COL25A1: variants seen among roughly 807,000 people sequenced by gnomAD.
COL25A1 encodes collagen type XXV alpha 1 chain, also known as collagen alpha-1(XXV) chain.
Under a neutral mutation model 128.4 loss-of-function variants are expected in COL25A1, and 103 were observed. That is an observed-to-expected ratio of 0.80 (90% CI 0.68 to 0.94). COL25A1 has a LOEUF of 0.94. COL25A1 is among the 40% of genes least tolerant of loss of function. The probability of loss-of-function intolerance (pLI) is 0.00; values close to 1 mark genes in which losing one functional copy is unlikely to be tolerated. For synonymous variants in COL25A1, 279 were observed against 277.2 expected, an observed-to-expected ratio of 1.01 and a Z score of -0.06; for missense variants, 745 against 840.0, an observed-to-expected ratio of 0.89 and a Z score of 1.40.
intron 8 of COL25A1, among the ~76,000 whole-genome samples, chr4:108,955,103 A>T (rs6825171): frequency 0.044 from 6,622 of 152,152 alleles, 368 homozygotes; most frequent in African/African-American, 0.13. Context: ...AAAAAATTAC[A>T]AGGTGTATGT....
chr4:109,067,303 A>C (rs1190784060), intron 3 of COL25A1, among the ~76,000 whole-genome samples: 2 of 152,204 alleles, frequency 1.3e-5, no homozygotes, highest in African/African-American at 4.8e-5. Context: ...AATAATCTCA[A>C]TAACTTATAT....
intron 3 of COL25A1, among the ~76,000 whole-genome samples, chr4:109,112,011 C>T (rs1468866410): frequency 6.6e-6 from 1 of 152,032 alleles, no homozygotes; most frequent in East Asian, 1.9e-4. Flanking sequence ...CTAGCTACTC[C>T]TTCTAGTTTC....
At chr4:109,175,315 T>C (rs777912874) in intron 3 of COL25A1, among the ~76,000 whole-genome samples, 98 of 152,238 alleles carry the variant, frequency 6.4e-4, no homozygotes, top group Non-Finnish European at 1.1e-3. Flanking sequence ...ATGCAGTTAA[T>C]ATATTTTGAT....
intron 3 of COL25A1, among the ~76,000 whole-genome samples, chr4:109,203,480 G>A (rs1349502437): frequency 6.6e-6 from 1 of 152,026 alleles, no homozygotes; most frequent in East Asian, 1.9e-4. Context: ...ACCCAGGAAG[G>A]AGGAAGGAGA....
intron 23 of COL25A1, among the ~76,000 whole-genome samples, chr4:108,860,573 CT>C (rs200500844): frequency 2.7e-4 from 41 of 151,092 alleles, no homozygotes; most frequent in African/African-American, 8.7e-4. Context: ...TCATAATTCC[CT>C]TTTTTTTTAA....
intron 12 of COL25A1, among the ~76,000 whole-genome samples, chr4:108,919,705 T>C (rs1026501040): frequency 1.3e-5 from 2 of 152,130 alleles, no homozygotes; most frequent in African/African-American, 4.8e-5. Flanking sequence ...ATATATTTAC[T>C]GCTATAGGAT....
intron 3 of COL25A1, among the ~76,000 whole-genome samples, chr4:109,160,441 T>C (rs941098423): frequency 2.0e-5 from 3 of 152,228 alleles, no homozygotes; most frequent in Non-Finnish European, 4.4e-5. Flanking sequence ...TTGGCCATAC[T>C]TAACCCTAAG....
At chr4:108,824,742 T>G (rs1474127408) in intron 34 of COL25A1, among the ~76,000 whole-genome samples, 1 of 152,168 alleles carries the variant, frequency 6.6e-6, no homozygotes, top group Non-Finnish European at 1.5e-5. Context: ...GGCATTTACT[T>G]TTGACATTCT....
chr4:109,024,450 A>G (rs1451271869), intron 5 of COL25A1, among the ~76,000 whole-genome samples: 1 of 152,068 alleles, frequency 6.6e-6, no homozygotes. Flanking sequence ...ATACATATTT[A>G]TTCAGACATA....
intron 3 of COL25A1, among the ~76,000 whole-genome samples, chr4:109,273,561 T>G (rs1224733463): frequency 6.6e-6 from 1 of 152,236 alleles, no homozygotes; most frequent in Non-Finnish European, 1.5e-5. Flanking sequence ...TCTCATATGA[T>G]TATTACTTCT....
At chr4:108,956,204 G>A (rs982398830) in intron 8 of COL25A1, among the ~76,000 whole-genome samples, 3 of 152,072 alleles carry the variant, frequency 2.0e-5, no homozygotes, top group Non-Finnish European at 2.9e-5. Context: ...ATTAGTAGGT[G>A]GATGCACTTA....
intron 3 of COL25A1, among the ~76,000 whole-genome samples, chr4:109,190,016 TGAG>T (rs1420382771): frequency 2.0e-5 from 3 of 152,116 alleles, no homozygotes; most frequent in Non-Finnish European, 2.9e-5. Context: ...TAGAAATAAA[TGAG>T]GAGAAGCAAT....
intron 5 of COL25A1, among the ~76,000 whole-genome samples, chr4:109,013,095 T>C (rs1021164236): frequency 1.3e-5 from 2 of 152,136 alleles, no homozygotes; most frequent in Non-Finnish European, 2.9e-5. Flanking sequence ...AGCTAAAGGA[T>C]TGTAAATGCA....
In COL25A1 at chr4:108,844,507, A is replaced by G. The variant is rs777439714; in HGVS notation, c.1629+12T>C. 6.2e-7 allele frequency: 1 copy of G among 1,614,138 alleles called. No homozygotes were observed. The highest frequency in any genetic ancestry group is 1.1e-5 in the South Asian group (1 of 91,080). ...AATAAGCAATTACATTTCAGAAAGA[A>G]GGGAAACTTACCATGGGGCCAGGTG... is the stretch of plus-strand genomic sequence containing the variant. On this transcript the variant is annotated intron_variant, in intron 30 of 37. Transcript: ENST00000399132.
chr4:109,162,329 T>G (rs957454862), intron 3 of COL25A1, among the ~76,000 whole-genome samples: 1 of 152,202 alleles, frequency 6.6e-6, no homozygotes, highest in African/African-American at 2.4e-5. Flanking sequence ...TGTAAGTGAC[T>G]GGAGCAGGCA....
chr4:108,900,942 C>T (rs57233578), intron 14 of COL25A1, among the ~76,000 whole-genome samples, 177 bp downstream of exon 14: 2,064 of 152,158 alleles, frequency 0.014, 34 homozygotes, highest in African/African-American at 0.046. Flanking sequence ...TAATGAGAAT[C>T]ACAAATATAA....
At chr4:109,007,050 C>T (rs899642379) in intron 6 of COL25A1, among the ~76,000 whole-genome samples, 1 of 151,960 alleles carries the variant, frequency 6.6e-6, no homozygotes, top group African/African-American at 2.4e-5. Flanking sequence ...GCATATGTAA[C>T]CCTGAACTTA....
chr4:109,243,882 A>G (rs894679641), intron 3 of COL25A1, among the ~76,000 whole-genome samples: 3 of 152,056 alleles, frequency 2.0e-5, no homozygotes, highest in African/African-American at 7.2e-5. Context: ...TATAAAATCT[A>G]TGTTTTTTGA....
At chr4:108,977,771 G>A (rs1261222019) in intron 6 of COL25A1, among the ~76,000 whole-genome samples, 2 of 152,174 alleles carry the variant, frequency 1.3e-5, no homozygotes, top group African/African-American at 4.8e-5. Flanking sequence ...AGTGTCTAAG[G>A]CAAACAGTTT....
Sources: gnomAD v4.1 joint callset for allele counts (sites outside exome capture counted in the v4.1 genomes callset) on GRCh38, gnomAD v4.1.1 for gene constraint, MANE v1.5 for transcripts, NCBI Gene and HGNC (gene_info 2026-07-23, HGNC 2026-07-21) for gene names.